The following NXPE2 variants were observed in gnomAD, a reference collection of about 807,000 sequenced individuals.
NXPE2 encodes neurexophilin and PC-esterase domain family member 2.
A neutral mutation model predicts 34.4 loss-of-function variants in NXPE2; 34 were observed. The ratio of observed to expected loss-of-function variants is 0.99; its 90% CI spans 0.75 to 1.31. NXPE2 has a LOEUF of 1.31. NXPE2 is among the 40% of genes most tolerant of loss of function. NXPE2 has a pLI of 0.00. For missense variants in NXPE2, 649 were observed against 672.5 expected (o/e 0.97, Z 0.39); for synonymous variants, 235 against 231.3 (o/e 1.02, Z -0.15).
chr11:114,611,116 A>G, the NXPE2 span, among the ~76,000 whole-genome samples: 5 of 146,074 alleles, frequency 3.4e-5, no homozygotes, highest in Non-Finnish European at 6.0e-5. Context: ...ACCAGTGGAT[A>G]GTTAGTATTG....
the NXPE2 span, among the ~76,000 whole-genome samples, chr11:114,751,628 G>T: frequency 1.3e-5 from 2 of 152,132 alleles, no homozygotes; most frequent in Admixed American, 1.3e-4. Context: ...AAATATTTCA[G>T]TCGGGAAAGC....
At chr11:114,587,958 A>G in the NXPE2 span, among the ~76,000 whole-genome samples, 8 of 152,166 alleles carry the variant, frequency 5.3e-5, no homozygotes, top group African/African-American at 1.9e-4. Flanking sequence ...CAACAATTAG[A>G]TATTTTCTGT....
the NXPE2 span, among the ~76,000 whole-genome samples, chr11:114,753,016 G>T: frequency 6.6e-6 from 1 of 152,196 alleles, no homozygotes; most frequent in East Asian, 1.9e-4. Context: ...AGGAAACTGA[G>T]AATTTGCAAT....
At chr11:114,765,557 T>C in the NXPE2 span, among the ~76,000 whole-genome samples, 1 of 152,194 alleles carries the variant, frequency 6.6e-6, no homozygotes, top group Non-Finnish European at 1.5e-5. Flanking sequence ...ATTTTTTTGT[T>C]TTATTGGGAT....
the NXPE2 span, among the ~76,000 whole-genome samples, chr11:114,538,762 A>G: frequency 6.6e-6 from 1 of 152,108 alleles, no homozygotes; most frequent in East Asian, 1.9e-4. Flanking sequence ...TAGAATGGCG[A>G]TCATTAAAAA....
At chr11:114,572,981 T>C in the NXPE2 span, among the ~76,000 whole-genome samples, 11 of 152,146 alleles carry the variant, frequency 7.2e-5, no homozygotes, top group Non-Finnish European at 1.2e-4. Context: ...AGGTAACCTA[T>C]AAAAGAAAAC....
the NXPE2 span, among the ~76,000 whole-genome samples, chr11:114,534,277 C>T: frequency 6.6e-6 from 1 of 152,136 alleles, no homozygotes; most frequent in Non-Finnish European, 1.5e-5. Flanking sequence ...CACCCAAAAC[C>T]CATCTGTACA....
the NXPE2 span, among the ~76,000 whole-genome samples, chr11:114,572,130 G>A: frequency 5.3e-5 from 8 of 152,078 alleles, no homozygotes; most frequent in African/African-American, 1.9e-4. Flanking sequence ...GCTCCACTGG[G>A]TTGCGAGACT....
At chr11:114,522,993 G>A in the NXPE2 span, 44 of 1,613,546 alleles carry the variant, frequency 2.7e-5, no homozygotes, top group South Asian at 4.7e-4. Context: ...AACTGAACCT[G>A]GTTGCAAAAT....
At chr11:114,696,551 A>G (rs1354328446) in intron 2 of NXPE2, among the ~76,000 whole-genome samples, 1 of 152,174 alleles carries the variant, frequency 6.6e-6, no homozygotes, top group African/African-American at 2.4e-5. Context: ...AAATAAGATC[A>G]TTATGTAATG....
the NXPE2 span, among the ~76,000 whole-genome samples, chr11:114,717,216 T>G: frequency 6.6e-6 from 1 of 152,184 alleles, no homozygotes; most frequent in African/African-American, 2.4e-5. Context: ...CTGACCTAGT[T>G]CTAATATCTG....
the NXPE2 span, among the ~76,000 whole-genome samples, chr11:114,637,937 G>A: frequency 6.6e-6 from 1 of 151,828 alleles, no homozygotes. Flanking sequence ...TGACAATTAT[G>A]TGTCTTGGAG....
the NXPE2 span, among the ~76,000 whole-genome samples, chr11:114,658,815 G>A: frequency 1.3e-5 from 2 of 152,072 alleles, no homozygotes; most frequent in Non-Finnish European, 2.9e-5. Flanking sequence ...AACACGAACA[G>A]AAGACCTACC....
chr11:114,585,547 A>C, the NXPE2 span, among the ~76,000 whole-genome samples: 1 of 152,188 alleles, frequency 6.6e-6, no homozygotes. Flanking sequence ...GTCATTATGT[A>C]ATAATAAAGA....
At chr11:114,665,960 C>T in the NXPE2 span, among the ~76,000 whole-genome samples, 3 of 152,122 alleles carry the variant, frequency 2.0e-5, no homozygotes, top group Non-Finnish European at 2.9e-5. Context: ...AGTGAGGAGA[C>T]TGAGGTAGGG....
chr11:114,602,110 A>G, the NXPE2 span, among the ~76,000 whole-genome samples: 1 of 100,348 alleles, frequency 1.0e-5, no homozygotes, highest in African/African-American at 4.1e-5. Context: ...ATTATAATAT[A>G]TATAATTATA....
At chr11:114,762,566 C>T in the NXPE2 span, among the ~76,000 whole-genome samples, 4 of 152,234 alleles carry the variant, frequency 2.6e-5, no homozygotes, top group South Asian at 8.3e-4. Flanking sequence ...AATGAACAGA[C>T]GCTGAAGGAA....
chr11:114,603,438 A>T, the NXPE2 span, among the ~76,000 whole-genome samples: 1 of 151,130 alleles, frequency 6.6e-6, no homozygotes, highest in Admixed American at 6.6e-5. Context: ...CTCGTCTCCT[A>T]GGTAAATTCC....
chr11:114,782,305 G>C, the NXPE2 span, among the ~76,000 whole-genome samples: 7 of 152,210 alleles, frequency 4.6e-5, no homozygotes, highest in Non-Finnish European at 2.9e-5. Flanking sequence ...GTGATAACCT[G>C]TGCTCTTTCT....
Sources: gnomAD v4.1 joint callset for allele counts (sites outside exome capture counted in the v4.1 genomes callset) on GRCh38, gnomAD v4.1.1 for gene constraint, MANE v1.5 for transcripts, NCBI Gene and HGNC (gene_info 2026-07-23, HGNC 2026-07-21) for gene names.